SPAG16: variants seen among roughly 807,000 people sequenced by gnomAD.
SPAG16 encodes the protein sperm associated antigen 16.
SPAG16 carries 86 observed loss-of-function variants against 80.4 expected under a neutral mutation model. The ratio of observed to expected loss-of-function variants is 1.07; its 90% CI spans 0.90 to 1.28. The LOEUF is 1.28. Among genes scored for constraint, SPAG16 ranks in the 50% most tolerant of loss-of-function variants. The pLI is 0.00. For synonymous variants in SPAG16, 294 were observed against 265.9 expected (o/e 1.11, Z -1.03); for missense variants, 870 against 765.3 (o/e 1.14, Z -1.61).
At chr2:213,450,754 A>T (rs888378161) in intron 9 of SPAG16, among the ~76,000 whole-genome samples, 1 of 152,200 alleles carries the variant, frequency 6.6e-6, no homozygotes, top group Non-Finnish European at 1.5e-5. Context: ...AATACAATTT[A>T]TGTATGTTTT....
chr2:213,800,717 C>T (rs2071342802), intron 10 of SPAG16, among the ~76,000 whole-genome samples: 3 of 152,152 alleles, frequency 2.0e-5, no homozygotes, highest in African/African-American at 7.2e-5. Flanking sequence ...AACCAGCCTA[C>T]AGGTATACTA....
chr2:214,053,654 A>G (rs2049779133), intron 13 of SPAG16, among the ~76,000 whole-genome samples: 1 of 152,192 alleles, frequency 6.6e-6, no homozygotes, highest in African/African-American at 2.4e-5. Flanking sequence ...TTGTACACAA[A>G]TTATCAGGAG....
intron 10 of SPAG16, among the ~76,000 whole-genome samples, chr2:213,531,416 G>C (rs905397310): frequency 6.7e-6 from 1 of 150,044 alleles, no homozygotes; most frequent in African/African-American, 2.5e-5. Flanking sequence ...CTCTTTGGCA[G>C]AATGTGTTAG....
At chr2:214,196,413 C>T (rs1414498104) in intron 15 of SPAG16, among the ~76,000 whole-genome samples, 2 of 151,968 alleles carry the variant, frequency 1.3e-5, no homozygotes, top group East Asian at 3.9e-4. Flanking sequence ...GAAAAACTAC[C>T]CTAAGATAGT....
chr2:214,391,239 T>A (rs1487014621), intron 15 of SPAG16, among the ~76,000 whole-genome samples: 1 of 152,188 alleles, frequency 6.6e-6, no homozygotes, highest in African/African-American at 2.4e-5. Context: ...AAAATTGGGA[T>A]AATCATTAGA....
chr2:214,039,252 G>T (rs1469731092), intron 13 of SPAG16, among the ~76,000 whole-genome samples: 4 of 152,112 alleles, frequency 2.6e-5, no homozygotes, highest in Non-Finnish European at 4.4e-5. Context: ...GTGTGAGATG[G>T]TATCTCACTG....
intron 10 of SPAG16, among the ~76,000 whole-genome samples, chr2:213,581,391 A>AT (rs929906091): frequency 2.6e-5 from 4 of 151,812 alleles, no homozygotes; most frequent in Non-Finnish European, 5.9e-5. Flanking sequence ...TAATTTTAAA[A>AT]TTTTTTTTGT....
intron 13 of SPAG16, among the ~76,000 whole-genome samples, chr2:214,082,935 C>T (rs2051482833): frequency 6.6e-6 from 1 of 152,140 alleles, no homozygotes; most frequent in African/African-American, 2.4e-5. Context: ...TACCATTTAC[C>T]AACATAATCA....
At chr2:213,945,900 C>G (rs371035501) in intron 12 of SPAG16, among the ~76,000 whole-genome samples, 1 of 152,156 alleles carries the variant, frequency 6.6e-6, no homozygotes, top group Admixed American at 6.5e-5. Flanking sequence ...AAGATAGCAA[C>G]CGTTTTGCGA....
At chr2:213,685,296 G>A (rs747567517) in intron 10 of SPAG16, among the ~76,000 whole-genome samples, 1 of 152,170 alleles carries the variant, frequency 6.6e-6, no homozygotes, top group Non-Finnish European at 1.5e-5. Flanking sequence ...AATATGACGC[G>A]TGTTCTTGTA....
chr2:213,680,077 C>G (rs1349744790), intron 10 of SPAG16, among the ~76,000 whole-genome samples: 1 of 152,016 alleles, frequency 6.6e-6, no homozygotes, highest in African/African-American at 2.4e-5. Context: ...AAGTTGCACT[C>G]AAAAGCAGAA....
At chr2:213,775,205 G>A (rs1453466539) in intron 10 of SPAG16, among the ~76,000 whole-genome samples, 2 of 151,984 alleles carry the variant, frequency 1.3e-5, no homozygotes, top group Non-Finnish European at 2.9e-5. Flanking sequence ...AATTTTCTTT[G>A]CATCCTCAGT....
chr2:214,271,928 A>G (rs1377622475), intron 15 of SPAG16, among the ~76,000 whole-genome samples: 1 of 150,470 alleles, frequency 6.6e-6, no homozygotes, highest in Non-Finnish European at 1.5e-5. Context: ...TAACAGATCT[A>G]GAGGTTAAGC....
intron 15 of SPAG16, 121 bp downstream of exon 15, chr2:214,149,387 A>C: frequency 1.2e-6 from 1 of 807,906 alleles, no homozygotes; most frequent in Non-Finnish European, 1.7e-6. Flanking sequence ...TTAATATTAC[A>C]TTATATTACA....
At chr2:214,390,260 G>A (rs1032278578) in intron 15 of SPAG16, among the ~76,000 whole-genome samples, 5 of 150,162 alleles carry the variant, frequency 3.3e-5, no homozygotes, top group African/African-American at 1.2e-4. Flanking sequence ...AACTCTGTAT[G>A]CATGGTCAGT....
chr2:214,062,851 C>T (rs554426950), intron 13 of SPAG16, among the ~76,000 whole-genome samples: 5 of 152,164 alleles, frequency 3.3e-5, no homozygotes, highest in African/African-American at 9.6e-5. Flanking sequence ...TCTGCTCCTC[C>T]GCTTTTCTTC....
At chr2:213,468,409 A>G (rs1177727294) in intron 9 of SPAG16, among the ~76,000 whole-genome samples, 1 of 144,288 alleles carries the variant, frequency 6.9e-6, no homozygotes, top group Non-Finnish European at 1.5e-5. Context: ...ATATCTATGT[A>G]TTTATGTACA....
chr2:213,434,611 A>G (rs1431373159), intron 9 of SPAG16, among the ~76,000 whole-genome samples: 1 of 152,176 alleles, frequency 6.6e-6, no homozygotes, highest in Admixed American at 6.5e-5. Flanking sequence ...GGGAACTCAA[A>G]CAACAATCAA....
intron 13 of SPAG16, among the ~76,000 whole-genome samples, chr2:214,093,489 T>C (rs747309205): frequency 6.6e-6 from 1 of 151,682 alleles, no homozygotes; most frequent in Non-Finnish European, 1.5e-5. Context: ...GTTTTGTGGG[T>C]GCATATGTGT....
Sources: allele counts gnomAD v4.1 joint callset (sites outside exome capture counted in the v4.1 genomes callset), GRCh38; gene constraint gnomAD v4.1.1; transcripts MANE v1.5; gene names NCBI Gene and HGNC (gene_info 2026-07-23, HGNC 2026-07-21).